Variants in ZNF804B observed in about 807,000 individuals in gnomAD.
ZNF804B encodes zinc finger protein 804B.
In ZNF804B, 80 loss-of-function variants were observed where a neutral mutation model predicts 101.4. The ratio of observed to expected loss-of-function variants is 0.79; its 90% CI spans 0.66 to 0.95. The LOEUF (loss-of-function observed/expected upper bound fraction) is 0.95. Ranked by LOEUF, ZNF804B falls within the 40% of genes least tolerant of loss-of-function variation. The pLI is 0.00. For synonymous variants in ZNF804B, 622 were observed against 558.8 expected, an observed-to-expected ratio of 1.11 and a Z score of -1.59; for missense variants, 1,673 against 1,561.9, an observed-to-expected ratio of 1.07 and a Z score of -1.20.
chr7:88,901,370 G>C (rs1584006205), intron 1 of ZNF804B, among the ~76,000 whole-genome samples: 1 of 151,822 alleles, frequency 6.6e-6, no homozygotes, highest in East Asian at 1.9e-4. Flanking sequence ...AATTTTCAAG[G>C]ACTTTTAAAT....
At chr7:89,071,227 T>C (rs1415455962) in intron 1 of ZNF804B, among the ~76,000 whole-genome samples, 1 of 152,142 alleles carries the variant, frequency 6.6e-6, no homozygotes, top group Non-Finnish European at 1.5e-5. Flanking sequence ...GTTCACCCCA[T>C]GCATGTGGAA....
chr7:88,823,957 T>G (rs1017175873), intron 1 of ZNF804B, among the ~76,000 whole-genome samples: 13 of 151,792 alleles, frequency 8.6e-5, no homozygotes, highest in Admixed American at 3.9e-4. Flanking sequence ...GAAAGGAAAA[T>G]GGGACAGCTG....
At chr7:88,918,161 T>C (rs950616352) in intron 1 of ZNF804B, among the ~76,000 whole-genome samples, 3 of 152,072 alleles carry the variant, frequency 2.0e-5, no homozygotes, top group African/African-American at 7.2e-5. Flanking sequence ...GCAGTGCCAA[T>C]GTGGTACCAA....
At chr7:88,814,878 C>G (rs1476684956) in intron 1 of ZNF804B, among the ~76,000 whole-genome samples, 1 of 151,734 alleles carries the variant, frequency 6.6e-6, no homozygotes. Context: ...AAAACACAAA[C>G]AAACATGTCA....
At chr7:89,287,219 G>C (rs1790214087) in intron 2 of ZNF804B, among the ~76,000 whole-genome samples, 1 of 152,142 alleles carries the variant, frequency 6.6e-6, no homozygotes, top group Non-Finnish European at 1.5e-5. Context: ...GCTATTAGTA[G>C]TTATGTTTTT....
chr7:89,248,909 C>T (rs1259890879), intron 2 of ZNF804B, among the ~76,000 whole-genome samples: 1 of 151,794 alleles, frequency 6.6e-6, no homozygotes, highest in Non-Finnish European at 1.5e-5. Context: ...CTCACAGTAG[C>T]AGCACCTATA....
At chr7:88,938,669 A>AT (rs965124153) in intron 1 of ZNF804B, among the ~76,000 whole-genome samples, 20 of 152,200 alleles carry the variant, frequency 1.3e-4, no homozygotes, top group Admixed American at 1.1e-3. Flanking sequence ...TAAAAAATGA[A>AT]TGATGGTTAG....
intron 1 of ZNF804B, among the ~76,000 whole-genome samples, chr7:89,058,690 T>TTTTGTGTG (rs1789332524): frequency 6.6e-6 from 1 of 151,456 alleles, no homozygotes; most frequent in African/African-American, 2.4e-5. Flanking sequence ...CAGTGAAGGG[T>TTTTGTGTG]TTTGTTTGTT....
intron 1 of ZNF804B, among the ~76,000 whole-genome samples, chr7:88,900,155 A>T (rs1180240262): frequency 6.6e-6 from 1 of 152,112 alleles, no homozygotes; most frequent in Non-Finnish European, 1.5e-5. Flanking sequence ...GGCATACTTT[A>T]TGTATACAGA....
chr7:89,196,957 G>A (rs1390538012), intron 1 of ZNF804B, among the ~76,000 whole-genome samples: 2 of 152,022 alleles, frequency 1.3e-5, no homozygotes, highest in Non-Finnish European at 2.9e-5. Flanking sequence ...TTAGTAAAAA[G>A]TCAAAAAACA....
At chr7:89,094,328 G>A (rs73391272) in intron 1 of ZNF804B, among the ~76,000 whole-genome samples, 3,498 of 152,050 alleles carry the variant, frequency 0.023, 159 homozygotes, top group African/African-American at 0.08. Context: ...ACCTCTGTAT[G>A]TGTGTGTGTA....
chr7:89,198,702 G>GTT, intron 1 of ZNF804B, among the ~76,000 whole-genome samples: 1 of 151,788 alleles, frequency 6.6e-6, no homozygotes, highest in Non-Finnish European at 1.5e-5. Context: ...TTTTTATAAA[G>GTT]TAGTAAGAAT....
chr7:88,879,171 A>G lies in ZNF804B; in HGVS notation c.108+119087A>G, dbSNP rs1311262305. On this transcript the variant is annotated intron_variant, in intron 1 of 3. Transcript: ENST00000333190. ...TTGAATGTTAGCGTCAATTACTGAT[A>G]TAAACATCTTTGGAGGAGACCTCGT... 2.0e-5 allele frequency among the ~76,000 whole-genome samples: 3 copies of G among 152,334 alleles called. No individual in the cohort carries two copies. In the East Asian group the frequency reaches 5.8e-4, roughly 29 times the overall value.
intron 2 of ZNF804B, among the ~76,000 whole-genome samples, chr7:89,243,165 A>G (rs1271439417): frequency 6.6e-6 from 1 of 151,776 alleles, no homozygotes; most frequent in Non-Finnish European, 1.5e-5. Flanking sequence ...AAGTCCTATC[A>G]TTACTCTTGA....
intron 1 of ZNF804B, among the ~76,000 whole-genome samples, chr7:89,013,033 A>G (rs1468146293): frequency 6.6e-6 from 1 of 152,100 alleles, no homozygotes; most frequent in Non-Finnish European, 1.5e-5. Flanking sequence ...GACACTTATA[A>G]AACCATCAGA....
At chr7:89,016,452 A>T (rs1210079893) in intron 1 of ZNF804B, among the ~76,000 whole-genome samples, 1 of 151,608 alleles carries the variant, frequency 6.6e-6, no homozygotes, top group African/African-American at 2.4e-5. Flanking sequence ...GTTTTCTTCT[A>T]GGGTTTTTAT....
chr7:89,183,388 TA>T (rs143497455), intron 1 of ZNF804B, among the ~76,000 whole-genome samples: 6 of 150,636 alleles, frequency 4.0e-5, no homozygotes, highest in East Asian at 2.0e-4. Flanking sequence ...AACTAGAGAG[TA>T]AAAAAAAAGA....
intron 2 of ZNF804B, among the ~76,000 whole-genome samples, chr7:89,228,815 G>T (rs1789138337): frequency 6.6e-6 from 1 of 152,196 alleles, no homozygotes. Flanking sequence ...TATGGAGCAG[G>T]GGGTGGCACT....
At chr7:89,323,500 G>A (rs1790850680) in intron 2 of ZNF804B, among the ~76,000 whole-genome samples, 1 of 152,066 alleles carries the variant, frequency 6.6e-6, no homozygotes, top group Admixed American at 6.6e-5. Flanking sequence ...ACTACATAAA[G>A]GGAAATTAAT....
Sources: gnomAD v4.1 joint callset for allele counts (sites outside exome capture counted in the v4.1 genomes callset) on GRCh38, gnomAD v4.1.1 for gene constraint, MANE v1.5 for transcripts, NCBI Gene and HGNC (gene_info 2026-07-23, HGNC 2026-07-21) for gene names.